THSD7B: variants seen among roughly 807,000 people sequenced by gnomAD.
THSD7B encodes thrombospondin type-1 domain-containing protein 7B.
A neutral mutation model predicts 213.6 loss-of-function variants in THSD7B; 138 were observed. The ratio of observed to expected loss-of-function variants is 0.65; its 90% CI spans 0.56 to 0.74. The LOEUF (loss-of-function observed/expected upper bound fraction) is 0.74, where lower values mean the gene tolerates loss of function less well. Ranked by LOEUF, THSD7B falls within the 30% of genes least tolerant of loss-of-function variation. The probability of loss-of-function intolerance (pLI) is 0.00; values close to 1 mark genes in which losing one functional copy is unlikely to be tolerated. For missense variants in THSD7B, 1,931 were observed against 1,991.5 expected (o/e 0.97, Z 0.58); for synonymous variants, 742 against 687.0 (o/e 1.08, Z -1.25).
intron 3 of THSD7B, among the ~76,000 whole-genome samples, chr2:137,091,404 C>T (rs919271133): frequency 6.6e-6 from 1 of 152,204 alleles, no homozygotes; most frequent in African/African-American, 2.4e-5. Context: ...AAAACATACA[C>T]AAGTTATAAA....
At chr2:137,291,451 A>G (rs1683335524) in intron 12 of THSD7B, among the ~76,000 whole-genome samples, 1 of 152,168 alleles carries the variant, frequency 6.6e-6, no homozygotes, top group Non-Finnish European at 1.5e-5. Flanking sequence ...TACTCCATAA[A>G]TGTTTGCTCA....
chr2:137,499,620 G>A (rs2105133858), intron 15 of THSD7B, among the ~76,000 whole-genome samples: 1 of 152,280 alleles, frequency 6.6e-6, no homozygotes, highest in East Asian at 1.9e-4. Flanking sequence ...AGATTCATCT[G>A]AATCTTTATC....
intron 2 of THSD7B, among the ~76,000 whole-genome samples, chr2:136,995,488 G>T (rs1346194668): frequency 1.3e-5 from 2 of 151,978 alleles, no homozygotes; most frequent in Non-Finnish European, 2.9e-5. Flanking sequence ...CCCTTAGATG[G>T]GGTCATTCTG....
At chr2:137,600,937 C>A (rs1435121300) in intron 17 of THSD7B, among the ~76,000 whole-genome samples, 1 of 151,744 alleles carries the variant, frequency 6.6e-6, no homozygotes, top group Non-Finnish European at 1.5e-5. Context: ...GTGGCCTAAG[C>A]TAAAACGTGT....
intron 15 of THSD7B, among the ~76,000 whole-genome samples, chr2:137,537,806 A>G (rs1315249240): frequency 6.6e-6 from 1 of 151,412 alleles, no homozygotes; most frequent in African/African-American, 2.4e-5. Context: ...AATATTTTGG[A>G]AATATCTATT....
intron 4 of THSD7B, among the ~76,000 whole-genome samples, chr2:137,112,401 A>G (rs914650856): frequency 2.0e-5 from 3 of 152,050 alleles, no homozygotes; most frequent in African/African-American, 7.2e-5. Context: ...GTCTTCTCTA[A>G]AGGATTTATC....
At chr2:137,025,037 C>T (rs1686520668) in intron 2 of THSD7B, among the ~76,000 whole-genome samples, 1 of 152,134 alleles carries the variant, frequency 6.6e-6, no homozygotes, top group Non-Finnish European at 1.5e-5. Flanking sequence ...GTCCATGCAG[C>T]AGCCACAAGG....
rs376436155 is a variant in THSD7B, at chr2:136,805,300, T to A, written c.-36+39613T>A. 4.6e-5 allele frequency among the ~76,000 whole-genome samples: 7 copies of A among 152,318 alleles called. No individual in the cohort carries two copies. In the East Asian group the frequency reaches 9.7e-4, roughly 21 times the overall value. The stretch of plus-strand genomic sequence containing the variant: ...GCCACCTGTGTTTGCGGCAGTTAGA[T>A]AAATTAGTGTCCACAGTTCAATCTG... On this transcript the variant is annotated intron_variant, in intron 1 of 27. Coordinates refer to ENST00000409968, the MANE Select transcript of THSD7B (RefSeq NM_001316349.2).
chr2:136,783,560 T>G (rs1216968203), intron 1 of THSD7B, among the ~76,000 whole-genome samples: 2 of 151,678 alleles, frequency 1.3e-5, no homozygotes, highest in Non-Finnish European at 2.9e-5. Context: ...AAGAGAGACC[T>G]GGAACCCTGA....
chr2:137,394,267 T>A (rs1686116815), intron 12 of THSD7B, among the ~76,000 whole-genome samples: 1 of 109,620 alleles, frequency 9.1e-6, no homozygotes, highest in African/African-American at 3.3e-5. Flanking sequence ...ATTGCCTAGG[T>A]TTTCTTCTAG....
rs187051835 is a variant in THSD7B, at chr2:136,917,765, T to C, written c.139+35448T>C. On this transcript the variant is annotated intron_variant, in intron 2 of 27. Coordinates refer to ENST00000409968, the MANE Select transcript of THSD7B (RefSeq NM_001316349.2). ...TGTTCTGTCACCCTGGAGGACTCTT[T>C]ATTTTCCAAAGGAAATAGTCCATCT... is the stretch of plus-strand genomic sequence containing the variant. Among the ~76,000 whole-genome samples the C allele has an allele frequency of 6.7e-4, 102 of 152,368 alleles. 1 individual carries two copies. Among genetic ancestry groups the C allele is most frequent in the Non-Finnish European group, 8.8e-5 (6 of 68,042 alleles).
At chr2:137,214,693 T>C (rs1367536334) in intron 7 of THSD7B, among the ~76,000 whole-genome samples, 1 of 152,110 alleles carries the variant, frequency 6.6e-6, no homozygotes, top group Admixed American at 6.6e-5. Context: ...TTTGGTTTTC[T>C]GTTCCTGTGT....
At chr2:137,027,533 A>G (rs1686578002) in intron 2 of THSD7B, among the ~76,000 whole-genome samples, 1 of 152,226 alleles carries the variant, frequency 6.6e-6, no homozygotes, top group Admixed American at 6.5e-5. Context: ...GAGGAGCTGA[A>G]ACGAAAGGTA....
intron 10 of THSD7B, among the ~76,000 whole-genome samples, chr2:137,255,802 G>C (rs1682292754): frequency 6.6e-6 from 1 of 152,006 alleles, no homozygotes. Context: ...TCAAACTCCT[G>C]GGCTTAAGCC....
At chr2:137,021,039 A>G (rs1454735435) in intron 2 of THSD7B, among the ~76,000 whole-genome samples, 1 of 152,202 alleles carries the variant, frequency 6.6e-6, no homozygotes, top group Non-Finnish European at 1.5e-5. Flanking sequence ...TCTTACTACC[A>G]TGGAGGGTTC....
intron 5 of THSD7B, among the ~76,000 whole-genome samples, chr2:137,117,314 A>T (rs1449930470): frequency 6.6e-6 from 1 of 152,188 alleles, no homozygotes; most frequent in Admixed American, 6.5e-5. Context: ...CCCATTAAAC[A>T]CAGAGGAACA....
Position 136,785,667 on chromosome 2 carries a change from TC to T in THSD7B, c.-36+19984del, listed in dbSNP as rs1201236437. ...CTGTTTTCTGATTCTCTTACAGACT[TC>T]CCCTTGAGGCAATGAGCAACTCATT... On this transcript the variant is annotated intron_variant, in intron 1 of 27. Transcript: ENST00000409968. Among the ~76,000 whole-genome samples, 4 of 152,300 alleles carry T rather than the reference TC, an allele frequency of 2.6e-5. No individual in the cohort carries two copies. In the East Asian group the frequency reaches 7.7e-4, roughly 29 times the overall value.
chr2:137,359,071 G>A (rs371956194), intron 12 of THSD7B, among the ~76,000 whole-genome samples: 76 of 152,254 alleles, frequency 5.0e-4, no homozygotes, highest in African/African-American at 1.8e-3. Context: ...AGCCCACAAG[G>A]CCTTCTACAA....
chr2:137,124,770 CATG>C (rs1412192802), intron 5 of THSD7B, among the ~76,000 whole-genome samples: 4 of 152,200 alleles, frequency 2.6e-5, no homozygotes, highest in Non-Finnish European at 4.4e-5. Flanking sequence ...TGGCATGCAA[CATG>C]ATGTTTTGAT....
Sources: gnomAD v4.1 joint callset for allele counts (sites outside exome capture counted in the v4.1 genomes callset) on GRCh38, gnomAD v4.1.1 for gene constraint, MANE v1.5 for transcripts, NCBI Gene and HGNC (gene_info 2026-07-23, HGNC 2026-07-21) for gene names.